The following CARMIL1 variants were observed in gnomAD, a reference collection of about 807,000 sequenced individuals.
CARMIL1 encodes the protein F-actin-uncapping protein LRRC16A.
In CARMIL1, 90 loss-of-function variants were observed where a neutral mutation model predicts 177.1. That is an observed-to-expected ratio of 0.51 (90% CI 0.43 to 0.61). The LOEUF (loss-of-function observed/expected upper bound fraction) is 0.61. CARMIL1 is among the 20% of genes least tolerant of loss of function. The pLI, the probability that CARMIL1 is intolerant of heterozygous loss-of-function variation, is 0.00. For synonymous variants in CARMIL1, 577 were observed against 606.2 expected, an observed-to-expected ratio of 0.95 and a Z score of 0.71; for missense variants, 1,380 against 1,667.0, an observed-to-expected ratio of 0.83 and a Z score of 3.00.
At chr6:25,604,076 T>C (rs1694404664) in intron 33 of CARMIL1, among the ~76,000 whole-genome samples, 1 of 152,112 alleles carries the variant, frequency 6.6e-6, no homozygotes, top group Non-Finnish European at 1.5e-5. Flanking sequence ...GAAAATTATA[T>C]ATATATTTTT....
At chr6:25,291,619 G>A (rs1308658028) in intron 2 of CARMIL1, among the ~76,000 whole-genome samples, 4 of 151,988 alleles carry the variant, frequency 2.6e-5, no homozygotes, top group African/African-American at 9.7e-5. Flanking sequence ...CTTGGCCAGT[G>A]GTTTTCAGAC....
intron 2 of CARMIL1, among the ~76,000 whole-genome samples, chr6:25,309,923 C>A (rs1783644876): frequency 6.6e-6 from 1 of 151,950 alleles, no homozygotes; most frequent in Non-Finnish European, 1.5e-5. Context: ...GTGCACGCCA[C>A]CGCACCCGGC....
intron 2 of CARMIL1, among the ~76,000 whole-genome samples, chr6:25,288,764 G>A (rs556749181): frequency 6.6e-6 from 1 of 152,274 alleles, no homozygotes; most frequent in East Asian, 1.9e-4. Flanking sequence ...TTTATTCACA[G>A]TTTGTGGCAC....
chr6:25,435,624 G>A lies in CARMIL1; in HGVS notation c.371+20G>A, dbSNP rs764662589. On this transcript the variant is annotated intron_variant, in intron 5 of 36. Transcript: ENST00000329474. The stretch of plus-strand genomic sequence containing the variant: ...TCCAGTGTGAGTTTCCCTGGGCAGG[G>A]TGAGGAGAGCAAAGAACCTGTTCTT... 2.6e-6 allele frequency: 4 copies of A among 1,566,220 alleles called. No individual in the cohort carries two copies. In the Admixed American group the frequency reaches 5.6e-5, roughly 22 times the overall value.
At chr6:25,556,904 G>GTTT (rs34575637) in intron 29 of CARMIL1, 54 bp downstream of exon 29, 13,972 of 1,121,232 alleles carry the variant, frequency 0.012, 5 homozygotes, top group Non-Finnish European at 0.013. Flanking sequence ...CTGTGCCATT[G>GTTT]TTTTTTTTTT....
At chr6:25,597,810 T>C (rs1449358351) in intron 32 of CARMIL1, among the ~76,000 whole-genome samples, 2 of 152,240 alleles carry the variant, frequency 1.3e-5, no homozygotes, top group Non-Finnish European at 2.9e-5. Context: ...AAAGACAGTT[T>C]GGAAAACAAG....
At chr6:25,329,024 A>AG (rs2069156456) in intron 2 of CARMIL1, among the ~76,000 whole-genome samples, 1 of 152,168 alleles carries the variant, frequency 6.6e-6, no homozygotes, top group Non-Finnish European at 1.5e-5. Context: ...GGAGAAGACA[A>AG]AAGTTTATAA....
intron 2 of CARMIL1, among the ~76,000 whole-genome samples, chr6:25,329,470 G>A (rs1375853813): frequency 6.6e-6 from 1 of 152,154 alleles, no homozygotes; most frequent in Admixed American, 6.5e-5. Flanking sequence ...AGCTACTTTG[G>A]CCTCCTTATA....
At chr6:25,290,543 T>C (rs1781869821) in intron 2 of CARMIL1, among the ~76,000 whole-genome samples, 1 of 151,904 alleles carries the variant, frequency 6.6e-6, no homozygotes, top group African/African-American at 2.4e-5. Context: ...TGAAAAGTCA[T>C]TCCTAGTCTC....
chr6:25,393,725 T>A (rs72830754), intron 2 of CARMIL1, among the ~76,000 whole-genome samples: 12,272 of 150,020 alleles, frequency 0.082, 839 homozygotes, highest in East Asian at 0.32. Context: ...TTTTTTTTTT[T>A]AATTAGCTGT....
chr6:25,401,084 T>C lies in CARMIL1; in HGVS notation c.139-19030T>C, dbSNP rs141474579. 7.4e-3 allele frequency among the ~76,000 whole-genome samples: 1,120 copies of C among 152,314 alleles called. 11 individuals are homozygous for C. Among genetic ancestry groups the C allele is most frequent in the African/African-American group, 0.025 (1,044 of 41,566 alleles). ...ATTGTATGGTACTTTTATCTCCATATATAATATATTTAGTATATTTATGCT... is the reference window on the plus strand; with the variant it reads ...ATTGTATGGTACTTTTATCTCCATACATAATATATTTAGTATATTTATGCT... On this transcript the variant is annotated intron_variant, in intron 2 of 36. Transcript: ENST00000329474.
intron 23 of CARMIL1, chr6:25,527,512 G>A: frequency 3.3e-6 from 1 of 305,586 alleles, no homozygotes; most frequent in Admixed American, 5.0e-5. Flanking sequence ...CGGAAGCTGG[G>A]TGGTGGTGTG....
intron 2 of CARMIL1, among the ~76,000 whole-genome samples, chr6:25,348,236 G>T (rs9986525): frequency 0.058 from 8,864 of 151,826 alleles, 581 homozygotes; most frequent in African/African-American, 0.15. Context: ...GGGTTCAATC[G>T]ATTCTCCTGC....
At chr6:25,392,396 A>G (rs1346449159) in intron 2 of CARMIL1, among the ~76,000 whole-genome samples, 3 of 152,158 alleles carry the variant, frequency 2.0e-5, no homozygotes, top group Non-Finnish European at 4.4e-5. Context: ...ATTTCTATAC[A>G]TTGTTCCCAG....
At position 25,611,526 on chromosome 6, in the gene CARMIL1, C is replaced by T. The variant is rs548384700; in HGVS notation, c.3979+1345C>T. ...CCCTAATTTTCCATCCTTTCTGCAA[C>T]TGCTGACTTTACATCTTTACTTTTA... is the stretch of plus-strand genomic sequence containing the variant. On this transcript the variant is annotated intron_variant, in intron 36 of 36. Coordinates refer to ENST00000329474, the MANE Select transcript of CARMIL1 (RefSeq NM_017640.6). Among the ~76,000 whole-genome samples, 3 of 152,320 alleles carry T rather than the reference C, an allele frequency of 2.0e-5. No homozygotes were observed. The South Asian group carries it at 6.2e-4, about 32-fold the overall frequency.
At chr6:25,565,645 G>C (rs1416235890) in intron 29 of CARMIL1, among the ~76,000 whole-genome samples, 2 of 152,164 alleles carry the variant, frequency 1.3e-5, no homozygotes, top group Non-Finnish European at 2.9e-5. Context: ...AGGAGATCGA[G>C]ACCATCCTGG....
At chr6:25,361,696 A>T (rs762377593) in intron 2 of CARMIL1, among the ~76,000 whole-genome samples, 61 of 152,184 alleles carry the variant, frequency 4.0e-4, no homozygotes, top group Non-Finnish European at 7.3e-4. Context: ...CCAAATCCAT[A>T]TGTTGGTTGC....
chr6:25,459,270 T>TTTC (rs1799896544), intron 8 of CARMIL1, among the ~76,000 whole-genome samples: 4 of 21,208 alleles, frequency 1.9e-4, no homozygotes, highest in African/African-American at 2.6e-4. Flanking sequence ...TTCTTTCTTT[T>TTTC]TTTTTTTTTT....
intron 8 of CARMIL1, chr6:25,452,465 A>G (rs1030811916): frequency 3.8e-5 from 16 of 416,946 alleles, no homozygotes; most frequent in Non-Finnish European, 6.4e-5. Context: ...TCCCTTTACA[A>G]TCTTAAAAAT....
Sources: allele counts gnomAD v4.1 joint callset (sites outside exome capture counted in the v4.1 genomes callset), GRCh38; gene constraint gnomAD v4.1.1; transcripts MANE v1.5; gene names NCBI Gene and HGNC (gene_info 2026-07-23, HGNC 2026-07-21).